Variants in PCDHGA12 observed in about 807,000 individuals in gnomAD.
The protein encoded by PCDHGA12 is protocadherin gamma-A12.
A neutral mutation model predicts 61.1 loss-of-function variants in PCDHGA12; 43 were observed. That is an observed-to-expected ratio of 0.70 (90% CI 0.55 to 0.91). The LOEUF is 0.91. PCDHGA12 is among the 40% of genes least tolerant of loss of function. The pLI, the probability that PCDHGA12 is intolerant of heterozygous loss-of-function variation, is 0.00. For synonymous variants in PCDHGA12, 520 were observed against 542.9 expected (o/e 0.96, Z 0.59); for missense variants, 1,236 against 1,227.7 (o/e 1.01, Z -0.10).
rs2099692814 is a variant in PCDHGA12 at position 141,489,840 on chromosome 5, G to A, written c.2425-4967G>A. 6.2e-7 allele frequency: 1 copy of A among 1,614,190 alleles called. No individual in the cohort carries two copies. The highest frequency in any genetic ancestry group is 8.5e-7 in the Non-Finnish European group (1 of 1,179,990). On this transcript the variant is annotated intron_variant, in intron 1 of 3. Coordinates refer to ENST00000252085, the MANE Select transcript of PCDHGA12 (RefSeq NM_003735.3). The surrounding 1 kb of genome is among the most constrained non-coding windows in gnomAD (Gnocchi z 4.5). ...CAGAGCTGGTGCTAGAGCAGCAGCT[G>A]GATCGTGAAGCCCAGGCAAGACATC... is the stretch of plus-strand genomic sequence containing the variant.
intron 1 of PCDHGA12, among the ~76,000 whole-genome samples, chr5:141,452,137 GT>G (rs2098734666): frequency 6.6e-6 from 1 of 152,044 alleles, no homozygotes; most frequent in Non-Finnish European, 1.5e-5. Flanking sequence ...TGGCTCATGT[GT>G]TTTTTCCAAT....
Position 141,431,228 on chromosome 5 carries a change from GC to G in PCDHGA12, c.471del (p.Trp158GlyfsTer39). The G allele has an allele frequency of 6.2e-7, 1 of 1,614,118 alleles. No homozygotes were observed. Among genetic ancestry groups the G allele is most frequent in the Non-Finnish European group, 8.5e-7 (1 of 1,180,030 alleles). On this transcript the variant is annotated frameshift_variant, in exon 1 of 4. Transcript: ENST00000252085. LOFTEE classifies it high-confidence loss of function. This position sits in a 1 kb window ranked among gnomAD's most constrained non-coding sequence, Gnocchi z 4.8. ...ATEMRFPLPH[A>X]WDPDIGKNSL... ...TGAGATGCGGTTCCCTCTACCCCAC[GC>G]CTGGGATCCGGATATCGGGAAGAAC...
intron 1 of PCDHGA12, among the ~76,000 whole-genome samples, chr5:141,457,729 T>A (rs950979422): frequency 2.0e-5 from 3 of 152,236 alleles, no homozygotes; most frequent in Non-Finnish European, 4.4e-5. Context: ...GAATTTCAGA[T>A]TAGACTTTTA....
chr5:141,476,476 C>A lies in PCDHGA12; in HGVS notation c.2425-18331C>A. On this transcript the variant is annotated intron_variant, in intron 1 of 3. Coordinates refer to ENST00000252085, the MANE Select transcript of PCDHGA12 (RefSeq NM_003735.3). The surrounding 1 kb of genome is among the most constrained non-coding windows in gnomAD (Gnocchi z 7.6). ...TGGAGAACCCGCTGGAGCTGTTCAG[C>A]GTGGAAGTGGTGATCCAGGACATCA... 6.2e-7 allele frequency: 1 copy of A among 1,613,986 alleles called. No individual in the cohort carries two copies. The highest frequency in any genetic ancestry group is 8.5e-7 in the Non-Finnish European group (1 of 1,179,992).
At chr5:141,445,575 G>A (rs571896159) in intron 1 of PCDHGA12, among the ~76,000 whole-genome samples, 18 of 152,262 alleles carry the variant, frequency 1.2e-4, no homozygotes, top group African/African-American at 4.3e-4. Flanking sequence ...CTTATAGTAG[G>A]GAAGCTTCGC....
rs1413324509 is a variant in PCDHGA12 at position 141,431,464 on chromosome 5, G to T, written c.705G>T (p.Ala235=). The T allele has an allele frequency of 6.2e-7, 1 of 1,613,782 alleles. No homozygotes were observed. The highest frequency in any genetic ancestry group is 2.2e-5 in the East Asian group (1 of 44,880). ...GCATCCGCGTGATGGTTCTGGATGC[G>T]AACGACAACGCACCAGCGTTTGCTC... ...TARIRVMVLD[A]NDNAPAFAQP... is the part of the protein sequence containing the mutation. Residue 235 remains alanine (A), a synonymous_variant, in exon 1 of 4, where the codon GCG becomes GCT. Transcript: ENST00000252085. This position sits in a 1 kb window ranked among gnomAD's most constrained non-coding sequence, Gnocchi z 4.8.
At chr5:141,475,803 G>T in intron 1 of PCDHGA12, 1 of 319,920 alleles carries the variant, frequency 3.1e-6, no homozygotes, top group Non-Finnish European at 5.7e-6. Flanking sequence ...GAAGCCAAAG[G>T]AAAGTGAAGT....
In PCDHGA12 at chr5:141,491,652, G is replaced by A. The variant is rs370043428; in HGVS notation, c.2425-3155G>A. ...AGCAGCCCACAGCTCTGGCGCTGGAGCCTGACGCCATCCGGTCCCGCTCTA... is the reference window on the plus strand; with the variant it reads ...AGCAGCCCACAGCTCTGGCGCTGGAACCTGACGCCATCCGGTCCCGCTCTA... On this transcript the variant is annotated intron_variant, in intron 1 of 3. Transcript: ENST00000252085. This position sits in a 1 kb window ranked among gnomAD's most constrained non-coding sequence, Gnocchi z 6.9. 2 of 1,613,726 alleles carry A rather than the reference G, an allele frequency of 1.2e-6. No homozygotes were observed. Among genetic ancestry groups the A allele is most frequent in the African/African-American group, 1.3e-5 (1 of 74,944 alleles).
chr5:141,462,253 A>C (rs7717600), intron 1 of PCDHGA12, among the ~76,000 whole-genome samples: 42,489 of 152,124 alleles, frequency 0.28, 6,669 homozygotes, highest in African/African-American at 0.43. Context: ...AGCCACCATG[A>C]CCAGCCTAAA....
rs145025535 is a variant in PCDHGA12 at position 141,457,569 on chromosome 5, T to A, written c.2424+24386T>A. 2.5e-3 allele frequency among the ~76,000 whole-genome samples: 376 copies of A among 152,304 alleles called. 1 individual carries two copies. Among genetic ancestry groups the A allele is most frequent in the African/African-American group, 8.6e-3 (357 of 41,554 alleles). On this transcript the variant is annotated intron_variant, in intron 1 of 3. Transcript: ENST00000252085. Reference sequence around the variant, plus strand: ...TGTATGATAAGCTTTGGAGCAAAATTTTTCTCTCCAGTCCTCATTTTTGGT... The same window carrying A: ...TGTATGATAAGCTTTGGAGCAAAATATTTCTCTCCAGTCCTCATTTTTGGT...
At chr5:141,475,892 G>A (rs1279219556) in intron 1 of PCDHGA12, 1 of 568,264 alleles carries the variant, frequency 1.8e-6, no homozygotes, top group Non-Finnish European at 3.1e-6. Context: ...GGGACTCTGT[G>A]TGCCGCTGTC....
rs144695545 is a variant in PCDHGA12, at chr5:141,487,156, C to G, written c.2425-7651C>G. ...CACCACTCTCTACCTCTGTTACTCT[C>G]TTAGTGTCCTTAGAGGAAGACACTC... On this transcript the variant is annotated intron_variant, in intron 1 of 3. Transcript: ENST00000252085. This position sits in a 1 kb window ranked among gnomAD's most constrained non-coding sequence, Gnocchi z 5.0. 105 of 1,613,896 alleles carry G rather than the reference C, an allele frequency of 6.5e-5. No homozygotes were observed. In the African/African-American group the frequency reaches 1.2e-3, roughly 18 times the overall value.
In PCDHGA12 at chr5:141,495,640, G is replaced by A. The variant is rs149177775; in HGVS notation, c.2483+775G>A. 1.2e-3 allele frequency among the ~76,000 whole-genome samples: 177 copies of A among 152,150 alleles called. 1 individual carries two copies. The highest frequency in any genetic ancestry group is 4.1e-3 in the African/African-American group (171 of 41,498). ...ACCTCAGCCTCAGTCCCTTTCATTT[G>A]TCTACTTGCATTGATCTGTGCCGCC... On this transcript the variant is annotated intron_variant, in intron 2 of 3. Transcript: ENST00000252085.
Position 141,491,287 on chromosome 5 carries a change from C to T in PCDHGA12, c.2425-3520C>T, listed in dbSNP as rs1562145447. 2 of 1,614,030 alleles carry T rather than the reference C, an allele frequency of 1.2e-6. No homozygotes were observed. Among genetic ancestry groups the T allele is most frequent in the Admixed American group, 1.7e-5 (1 of 60,032 alleles). On this transcript the variant is annotated intron_variant, in intron 1 of 3. Coordinates refer to ENST00000252085, the MANE Select transcript of PCDHGA12 (RefSeq NM_003735.3). The surrounding 1 kb of genome is among the most constrained non-coding windows in gnomAD (Gnocchi z 6.9). ...GCCCAAATCCAGTGACTTCCTCATA[C>T]ACCCTCCTGAGCGTTCAGACCTTAC... is the stretch of plus-strand genomic sequence containing the variant.
intron 1 of PCDHGA12, among the ~76,000 whole-genome samples, chr5:141,443,873 T>A (rs1250320938): frequency 6.6e-6 from 1 of 152,100 alleles, no homozygotes; most frequent in Non-Finnish European, 1.5e-5. Context: ...AAATTACTGA[T>A]AAGTCAAGAG....
chr5:141,501,323 A>G (rs2099807887), intron 2 of PCDHGA12, among the ~76,000 whole-genome samples: 1 of 151,850 alleles, frequency 6.6e-6, no homozygotes, highest in East Asian at 1.9e-4. Flanking sequence ...ACACACACAC[A>G]CACACACACA....
intron 2 of PCDHGA12, among the ~76,000 whole-genome samples, chr5:141,498,962 A>G (rs1257746192): frequency 8.0e-6 from 1 of 124,866 alleles, no homozygotes; most frequent in Non-Finnish European, 1.7e-5. Context: ...AGAGAGAGGG[A>G]GGGAGGGAGG....
intron 2 of PCDHGA12, among the ~76,000 whole-genome samples, chr5:141,498,309 G>A (rs2099783046): frequency 6.6e-6 from 1 of 151,844 alleles, no homozygotes; most frequent in Non-Finnish European, 1.5e-5. Flanking sequence ...GGGTCACACT[G>A]CCTACACAGA....
chr5:141,482,923 AT>A (rs1193255251), intron 1 of PCDHGA12, among the ~76,000 whole-genome samples: 10 of 152,074 alleles, frequency 6.6e-5, no homozygotes, highest in Non-Finnish European at 1.5e-4. Context: ...AATACAAAAA[AT>A]TAGCCAGGTG....
Sources: allele counts gnomAD v4.1 joint callset (sites outside exome capture counted in the v4.1 genomes callset), GRCh38; gene constraint gnomAD v4.1.1; non-coding constraint Gnocchi (gnomAD v3.1); transcripts MANE v1.5; gene names NCBI Gene and HGNC (gene_info 2026-07-23, HGNC 2026-07-21).